ZNF322: variants seen among roughly 807,000 people sequenced by gnomAD.
ZNF322 encodes the protein zinc finger protein 322.
In ZNF322, 1 loss-of-function variant was observed where a neutral mutation model predicts 18.3. The ratio of observed to expected loss-of-function variants is 0.05; its 90% confidence interval spans 0.02 to 0.26. The LOEUF (loss-of-function observed/expected upper bound fraction) is 0.26, where lower values mean the gene tolerates loss of function less well. ZNF322 is among the 10% of genes least tolerant of loss of function. ZNF322 has a pLI of 1.00. For synonymous variants in ZNF322, 17 were observed against 130.7 expected (o/e 0.13, Z 5.93); for missense variants, 36 against 403.6 (o/e 0.09, Z 7.80).
At chr6:26,641,642 CAT>C (rs1280899418) in intron 3 of ZNF322, among the ~76,000 whole-genome samples, 3 of 152,196 alleles carry the variant, frequency 2.0e-5, no homozygotes, top group Admixed American at 6.5e-5. Flanking sequence ...CTCGCAGAAA[CAT>C]GTGCAGTATT....
At chr6:26,641,965 A>G (rs1359924767) in intron 3 of ZNF322, among the ~76,000 whole-genome samples, 1 of 152,006 alleles carries the variant, frequency 6.6e-6, no homozygotes, top group Non-Finnish European at 1.5e-5. Flanking sequence ...TGCAGTTGAG[A>G]TAAGAGGAAG....
intron 2 of ZNF322, among the ~76,000 whole-genome samples, chr6:26,645,671 TAAA>T (rs1765544917): frequency 1.3e-5 from 2 of 152,016 alleles, no homozygotes; most frequent in Non-Finnish European, 2.9e-5. Flanking sequence ...TAGAAACCCT[TAAA>T]AACCAAATAA....
chr6:26,658,057 T>C (rs1765813600), intron 2 of ZNF322, among the ~76,000 whole-genome samples: 1 of 152,132 alleles, frequency 6.6e-6, no homozygotes, highest in South Asian at 2.1e-4. Flanking sequence ...ATGGTGTTTA[T>C]AGGCCTTAGA....
chr6:26,640,427 A>G (rs1425868513), intron 3 of ZNF322, among the ~76,000 whole-genome samples: 1 of 151,978 alleles, frequency 6.6e-6, no homozygotes, highest in African/African-American at 2.4e-5. Flanking sequence ...ACTCACTCCC[A>G]TTTCAGGGTC....
At chr6:26,648,257 A>T (rs551408390) in intron 2 of ZNF322, among the ~76,000 whole-genome samples, 4 of 152,324 alleles carry the variant, frequency 2.6e-5, no homozygotes, top group African/African-American at 4.8e-5. Flanking sequence ...CTGCAACAGA[A>T]ATCAACATCT....
chr6:26,646,716 C>T (rs1266486792), intron 2 of ZNF322, among the ~76,000 whole-genome samples: 3 of 152,036 alleles, frequency 2.0e-5, no homozygotes, highest in African/African-American at 7.2e-5. Flanking sequence ...AGTACACATT[C>T]TTTTTAAGAA....
intron 2 of ZNF322, among the ~76,000 whole-genome samples, chr6:26,647,446 G>C (rs1554148822): frequency 1.3e-5 from 2 of 151,564 alleles, no homozygotes; most frequent in Non-Finnish European, 2.9e-5. Context: ...AAAAAAGGAA[G>C]AAAGCACACA....
chr6:26,644,797 T>C (rs1554148578), intron 2 of ZNF322, among the ~76,000 whole-genome samples: 2 of 152,176 alleles, frequency 1.3e-5, no homozygotes, highest in African/African-American at 4.8e-5. Flanking sequence ...TATTTATTTA[T>C]CTATTTATTT....
At chr6:26,650,180 A>G (rs1159225080) in intron 2 of ZNF322, among the ~76,000 whole-genome samples, 1 of 152,146 alleles carries the variant, frequency 6.6e-6, no homozygotes, top group East Asian at 1.9e-4. Context: ...GACAATTCTC[A>G]CACACACAAA....
intron 2 of ZNF322, among the ~76,000 whole-genome samples, chr6:26,657,909 G>A (rs1351517196): frequency 1.3e-5 from 2 of 151,898 alleles, no homozygotes; most frequent in Admixed American, 1.3e-4. Context: ...GCCTAGGGTC[G>A]AAGTGAAAGG....
At chr6:26,650,047 T>C (rs893891877) in intron 2 of ZNF322, among the ~76,000 whole-genome samples, 55 of 151,968 alleles carry the variant, frequency 3.6e-4, no homozygotes, top group Non-Finnish European at 7.2e-4. Flanking sequence ...CAACGGTCAA[T>C]GGGCAAACTA....
At chr6:26,644,070 A>G (rs562835181) in intron 2 of ZNF322, among the ~76,000 whole-genome samples, 1 of 152,336 alleles carries the variant, frequency 6.6e-6, no homozygotes, top group African/African-American at 2.4e-5. Context: ...GTCCTGATCC[A>G]AAGTGTAATA....
At chr6:26,645,807 G>A (rs2130656) in intron 2 of ZNF322, among the ~76,000 whole-genome samples, 2,331 of 152,116 alleles carry the variant, frequency 0.015, 45 homozygotes, top group East Asian at 0.041. Flanking sequence ...CGAGGCAGGC[G>A]GATCATATGA....
At chr6:26,652,114 G>A (rs75531526) in intron 2 of ZNF322, among the ~76,000 whole-genome samples, 4,877 of 152,214 alleles carry the variant, frequency 0.032, 123 homozygotes, top group Middle Eastern at 0.075. Context: ...GATTATAAGC[G>A]TGAGCCACCA....
intron 2 of ZNF322, among the ~76,000 whole-genome samples, chr6:26,646,218 T>C (rs187040827): frequency 2.2e-3 from 332 of 152,166 alleles, no homozygotes; most frequent in Middle Eastern, 6.8e-3. Flanking sequence ...AAACATCAAC[T>C]ATATCAATAA....
In ZNF322 at chr6:26,637,977, TA is replaced by T; in HGVS notation, c.576del (p.Phe192LeufsTer82). 1 of 701,934 alleles carries T rather than the reference TA, an allele frequency of 1.4e-6. No homozygotes were observed. The highest frequency in any genetic ancestry group is 2.3e-6 in the Non-Finnish European group (1 of 437,742). The allele number at this position is 701,934 out of a possible 1,614,324, so 43.5% of individuals were successfully genotyped here. A position where few individuals can be genotyped will look rare whatever the true frequency, so the allele number is the denominator to read the frequency against. On this transcript the variant is annotated frameshift_variant, in exon 4 of 4. Coordinates refer to ENST00000415922, the MANE Select transcript of ZNF322 (RefSeq NM_024639.5). LOFTEE classifies it high-confidence loss of function. ...TGGCTAATAAGATCTGATTTCCCAC[TA>T]AAAGCTTTTTCACACTCGAGACACT... ...PFKCLECEKA[F>X]SGKSDLISHQ...
chr6:26,648,355 T>G (rs1041487651), intron 2 of ZNF322, among the ~76,000 whole-genome samples: 70 of 152,288 alleles, frequency 4.6e-4, no homozygotes, highest in African/African-American at 1.7e-3. Context: ...TCCAGTACCT[T>G]AAGTTAGAAA....
chr6:26,640,492 G>A (rs1263119126), intron 3 of ZNF322, among the ~76,000 whole-genome samples: 1 of 152,068 alleles, frequency 6.6e-6, no homozygotes, highest in African/African-American at 2.4e-5. Flanking sequence ...GAATCTTCAA[G>A]GCTCTCTCTC....
intron 2 of ZNF322, among the ~76,000 whole-genome samples, chr6:26,654,846 T>C (rs1765735984): frequency 6.6e-6 from 1 of 152,048 alleles, no homozygotes. Context: ...TTAATAATTA[T>C]AAATATAAAA....
Sources: gnomAD v4.1 joint callset for allele counts (sites outside exome capture counted in the v4.1 genomes callset) on GRCh38, gnomAD v4.1.1 for gene constraint, MANE v1.5 for transcripts, NCBI Gene and HGNC (gene_info 2026-07-23, HGNC 2026-07-21) for gene names.